The following SBF2 variants were observed in gnomAD, a reference collection of about 807,000 sequenced individuals.
SBF2 encodes myotubularin-related protein 13.
SBF2 carries 112 observed loss-of-function variants against 225.2 expected under a neutral mutation model. The observed-to-expected ratio is 0.50, with a 90% CI of 0.43 to 0.58. SBF2 has a LOEUF of 0.58. Ranked by LOEUF, SBF2 falls within the 20% of genes least tolerant of loss-of-function variation. The pLI is 0.00. For missense variants in SBF2, 1,996 were observed against 2,206.2 expected (o/e 0.90, Z 1.91); for synonymous variants, 763 against 773.3 (o/e 0.99, Z 0.22).
At position 9,789,280 on chromosome 11, in the gene SBF2, G is replaced by C; in HGVS notation, c.4761C>G (p.Thr1587=). The change falls in exon 35 of 40, where the codon ACC becomes ACG. Residue 1587 remains threonine, a synonymous_variant. Transcript: ENST00000256190. ...LKKWDYYIEE[T]LSTGPSYDWM... Reference sequence around the variant, plus strand: ...AGTCATAGGAAGGGCCTGTGGACAGGGTCTCTTCTATGTAGTAATCCCACT... The same window carrying C: ...AGTCATAGGAAGGGCCTGTGGACAGCGTCTCTTCTATGTAGTAATCCCACT... 6.2e-7 allele frequency: 1 copy of C among 1,614,114 alleles called. No individual in the cohort carries two copies.
At chr11:10,082,933 A>G (rs1396516663) in intron 2 of SBF2, among the ~76,000 whole-genome samples, 4 of 152,200 alleles carry the variant, frequency 2.6e-5, no homozygotes, top group African/African-American at 9.6e-5. Flanking sequence ...ATTGGAAAAG[A>G]ATTCAAATGA....
At chr11:10,291,661 C>A (rs1591376991) in intron 1 of SBF2, among the ~76,000 whole-genome samples, 1 of 40,948 alleles carries the variant, frequency 2.4e-5, no homozygotes, top group Non-Finnish European at 8.0e-5. Context: ...CCACTAAACA[C>A]ACACACACAC....
chr11:9,984,592 T>A (rs928095123), intron 13 of SBF2, among the ~76,000 whole-genome samples: 1 of 152,142 alleles, frequency 6.6e-6, no homozygotes, highest in African/African-American at 2.4e-5. Flanking sequence ...ACCTGGAAAT[T>A]CATTGCAAAA....
chr11:9,952,308 G>A (rs1272536202), intron 16 of SBF2, among the ~76,000 whole-genome samples: 1 of 152,132 alleles, frequency 6.6e-6, no homozygotes. Context: ...TGGTAAAGGA[G>A]AGGCAGCTGG....
chr11:10,129,300 C>T (rs1007299284), intron 2 of SBF2, among the ~76,000 whole-genome samples: 1 of 151,698 alleles, frequency 6.6e-6, no homozygotes, highest in African/African-American at 2.4e-5. Flanking sequence ...GTCGGGGTTT[C>T]GTCCTGTTGG....
chr11:9,894,038 GA>G (rs1435553583), intron 17 of SBF2, among the ~76,000 whole-genome samples: 5 of 151,924 alleles, frequency 3.3e-5, no homozygotes, highest in Admixed American at 3.3e-4. Flanking sequence ...TTGAGTCTAG[GA>G]ATTTGAGACC....
intron 1 of SBF2, among the ~76,000 whole-genome samples, chr11:10,206,425 T>C (rs920148188): frequency 6.6e-6 from 1 of 151,776 alleles, no homozygotes; most frequent in Admixed American, 6.6e-5. Flanking sequence ...AAAACTAACA[T>C]AACAGCCAAA....
chr11:10,126,722 T>C (rs1482348500), intron 2 of SBF2, among the ~76,000 whole-genome samples: 1 of 152,102 alleles, frequency 6.6e-6, no homozygotes, highest in Non-Finnish European at 1.5e-5. Flanking sequence ...TTCAAACAGA[T>C]ATTTGTCTAT....
intron 2 of SBF2, among the ~76,000 whole-genome samples, chr11:10,080,928 G>T (rs1951341044): frequency 6.6e-6 from 1 of 151,906 alleles, no homozygotes; most frequent in African/African-American, 2.4e-5. Context: ...AAATATATAT[G>T]GACCCAACAC....
chr11:10,219,929 C>T (rs918750992), intron 1 of SBF2, among the ~76,000 whole-genome samples: 1 of 152,200 alleles, frequency 6.6e-6, no homozygotes, highest in African/African-American at 2.4e-5. Flanking sequence ...CTTCTGAGCC[C>T]TCTAAACTAT....
At chr11:10,264,691 C>A (rs559134469) in intron 1 of SBF2, among the ~76,000 whole-genome samples, 2 of 152,098 alleles carry the variant, frequency 1.3e-5, no homozygotes, top group African/African-American at 4.8e-5. Flanking sequence ...CCTATCAACT[C>A]GTCACCTACA....
At chr11:10,229,421 G>C (rs559254075) in intron 1 of SBF2, among the ~76,000 whole-genome samples, 1 of 152,126 alleles carries the variant, frequency 6.6e-6, no homozygotes, top group East Asian at 1.9e-4. Flanking sequence ...GTCAATTTTA[G>C]ATCTTTCCTC....
chr11:10,232,906 A>G (rs1218869650), intron 1 of SBF2, among the ~76,000 whole-genome samples: 3 of 152,224 alleles, frequency 2.0e-5, no homozygotes, highest in African/African-American at 7.2e-5. Flanking sequence ...ACTTAGAATT[A>G]GAAGTTGTTA....
In SBF2 at chr11:10,028,529, C is replaced by A. The variant is rs1263571336; in HGVS notation, c.542G>T (p.Arg181Ile). 3 of 1,613,252 alleles carry A rather than the reference C, an allele frequency of 1.9e-6. No individual in the cohort carries two copies. The highest frequency in any genetic ancestry group is 4.5e-5 in the East Asian group (2 of 44,872). The change falls in exon 6 of 40, where the codon AGA becomes ATA. Residue 181 changes from arginine (R) to isoleucine (I), a missense_variant. Arg to Ile is a moderately conservative substitution (Grantham distance 97). Transcript: ENST00000256190. ...ATGTAAAGGAGTCTGGATCAACTGT[C>A]TATCTCCTGCACCCAAAGAAAACAG... ...QKLFSLGAGD[R>I]QLIQTPLHDS...
At chr11:9,912,070 A>T (rs1467944116) in intron 16 of SBF2, among the ~76,000 whole-genome samples, 3 of 152,140 alleles carry the variant, frequency 2.0e-5, no homozygotes, top group Non-Finnish European at 4.4e-5. Flanking sequence ...TAATCCCAGC[A>T]CTTTGGGAGG....
chr11:10,230,832 A>G (rs1958809386), intron 1 of SBF2, among the ~76,000 whole-genome samples: 2 of 152,002 alleles, frequency 1.3e-5, no homozygotes, highest in South Asian at 4.2e-4. Context: ...CGTTCTCTGT[A>G]TTTCCTGAAT....
intron 33 of SBF2, among the ~76,000 whole-genome samples, chr11:9,795,389 G>C (rs1179117269): frequency 6.6e-6 from 1 of 152,184 alleles, no homozygotes; most frequent in East Asian, 1.9e-4. Flanking sequence ...CTGAGGCTCA[G>C]AGAGGTACTT....
intron 1 of SBF2, among the ~76,000 whole-genome samples, chr11:10,267,704 C>T (rs1962128250): frequency 6.6e-6 from 1 of 151,984 alleles, no homozygotes; most frequent in African/African-American, 2.4e-5. Context: ...GCTATACAAA[C>T]CCGAAACTGT....
At chr11:10,137,402 T>G (rs573345128) in intron 2 of SBF2, among the ~76,000 whole-genome samples, 1 of 152,320 alleles carries the variant, frequency 6.6e-6, no homozygotes, top group African/African-American at 2.4e-5. Context: ...TGTTTTGTGG[T>G]ATTGAGCTGG....
Sources: allele counts gnomAD v4.1 joint callset (sites outside exome capture counted in the v4.1 genomes callset), GRCh38; gene constraint gnomAD v4.1.1; transcripts MANE v1.5; gene names NCBI Gene and HGNC (gene_info 2026-07-23, HGNC 2026-07-21).